The following TAS2R1 variants were observed in gnomAD, a reference collection of about 807,000 sequenced individuals.
TAS2R1 encodes the protein taste receptor type 2 member 1.
For synonymous variants in TAS2R1, 141 were observed against 134.2 expected, an observed-to-expected ratio of 1.05 and a Z score of -0.35; for missense variants, 370 against 353.4, an observed-to-expected ratio of 1.05 and a Z score of -0.38.
the TAS2R1 span, among the ~76,000 whole-genome samples, chr5:9,815,393 A>G: frequency 6.6e-6 from 1 of 152,206 alleles, no homozygotes; most frequent in Non-Finnish European, 1.5e-5. Flanking sequence ...TTAATGCACA[A>G]ACAAGTCAAT....
intron 1 of TAS2R1, among the ~76,000 whole-genome samples, chr5:9,682,307 T>C (rs1399482099): frequency 6.6e-6 from 1 of 152,224 alleles, no homozygotes; most frequent in African/African-American, 2.4e-5. Flanking sequence ...AAGCAGCTTT[T>C]TAATACTTTG....
chr5:9,831,707 G>A, the TAS2R1 span, among the ~76,000 whole-genome samples: 28 of 151,412 alleles, frequency 1.8e-4, no homozygotes, highest in Non-Finnish European at 4.0e-4. Flanking sequence ...TTCATCAAGG[G>A]GTTACTGTAA....
the TAS2R1 span, among the ~76,000 whole-genome samples, chr5:9,859,603 T>C: frequency 6.6e-6 from 1 of 152,244 alleles, no homozygotes; most frequent in African/African-American, 2.4e-5. Context: ...GCCATTATTC[T>C]AGTTTCAAAC....
At chr5:9,802,661 C>T in the TAS2R1 span, among the ~76,000 whole-genome samples, 8 of 152,002 alleles carry the variant, frequency 5.3e-5, no homozygotes, top group African/African-American at 7.2e-5. Context: ...CCAGCAATTT[C>T]GGAGGCCAAG....
chr5:9,751,014 C>A, the TAS2R1 span, among the ~76,000 whole-genome samples: 1 of 151,590 alleles, frequency 6.6e-6, no homozygotes, highest in Non-Finnish European at 1.5e-5. Context: ...TAGCTACTGG[C>A]CAGCCCAGAA....
chr5:9,784,049 G>A, the TAS2R1 span, among the ~76,000 whole-genome samples: 1 of 152,170 alleles, frequency 6.6e-6, no homozygotes, highest in African/African-American at 2.4e-5. Flanking sequence ...ACTACCTAGG[G>A]CATCAGGATG....
Position 9,673,808 on chromosome 5 carries a change from G to A in TAS2R1, c.-241-14227C>T, listed in dbSNP as rs569605819. ...CGAAATTCTTCTTGCTGTCCCTTGT[G>A]GCACTTCTCCATACCCTGTCTAATG... On this transcript the variant is annotated intron_variant, in intron 1 of 2. Transcript: ENST00000506620. 2.0e-5 allele frequency among the ~76,000 whole-genome samples: 3 copies of A among 152,202 alleles called. No individual in the cohort carries two copies. In the Middle Eastern group the frequency reaches 0.01, roughly 518 times the overall value.
At chr5:9,666,344 G>C (rs1314520902) in intron 1 of TAS2R1, among the ~76,000 whole-genome samples, 1 of 152,170 alleles carries the variant, frequency 6.6e-6, no homozygotes, top group African/African-American at 2.4e-5. Flanking sequence ...TCTGATGTGT[G>C]ATAGGGAGGG....
chr5:9,663,008 CTT>C (rs1169165077), intron 1 of TAS2R1, among the ~76,000 whole-genome samples: 2 of 152,138 alleles, frequency 1.3e-5, no homozygotes, highest in East Asian at 3.9e-4. Flanking sequence ...CTCAAATGGT[CTT>C]TTTCTCCTTC....
the TAS2R1 span, among the ~76,000 whole-genome samples, chr5:9,830,260 C>A: frequency 6.6e-6 from 1 of 151,808 alleles, no homozygotes; most frequent in African/African-American, 2.4e-5. Context: ...AGATGATAGA[C>A]ATAGATAGTT....
the TAS2R1 span, among the ~76,000 whole-genome samples, chr5:9,839,719 A>C: frequency 6.6e-6 from 1 of 152,166 alleles, no homozygotes; most frequent in Non-Finnish European, 1.5e-5. Flanking sequence ...ACAGACGGGT[A>C]GTTTTTGCAT....
chr5:9,808,628 A>G, the TAS2R1 span, among the ~76,000 whole-genome samples: 2 of 152,224 alleles, frequency 1.3e-5, no homozygotes, highest in Admixed American at 6.5e-5. Context: ...AAATGGGATT[A>G]GCAAAAACTT....
the TAS2R1 span, among the ~76,000 whole-genome samples, chr5:9,880,349 C>G: frequency 6.6e-6 from 1 of 152,094 alleles, no homozygotes; most frequent in Non-Finnish European, 1.5e-5. Context: ...TATGGTACAT[C>G]AGAAGGAGAA....
At chr5:9,830,441 GATAGATGACAGACACAAAA>G in the TAS2R1 span, among the ~76,000 whole-genome samples, 7 of 152,172 alleles carry the variant, frequency 4.6e-5, no homozygotes, top group Admixed American at 2.0e-4. Flanking sequence ...ACAGATAGAT[GATAGATGACAGACACAAAA>G]ATAGATGACA....
At chr5:9,708,824 A>T (rs1741675355) in intron 1 of TAS2R1, among the ~76,000 whole-genome samples, 1 of 152,158 alleles carries the variant, frequency 6.6e-6, no homozygotes, top group African/African-American at 2.4e-5. Context: ...AAAAAGTTCT[A>T]GGGTTGATTG....
chr5:9,672,577 A>G (rs1052417164), intron 1 of TAS2R1, among the ~76,000 whole-genome samples: 1 of 152,200 alleles, frequency 6.6e-6, no homozygotes, highest in Non-Finnish European at 1.5e-5. Flanking sequence ...CAATACCACA[A>G]TGAGATACTG....
chr5:9,712,091 T>A (rs1734693905), intron 1 of TAS2R1: 1 of 152,014 alleles, frequency 6.6e-6, no homozygotes, highest in Non-Finnish European at 1.5e-5. Context: ...CTTTCTTTGT[T>A]AGAGAATATT....
the TAS2R1 span, among the ~76,000 whole-genome samples, chr5:9,807,371 AT>A: frequency 2.6e-5 from 4 of 152,164 alleles, no homozygotes; most frequent in Non-Finnish European, 2.9e-5. Context: ...AAGTATATCT[AT>A]TATTTGATCC....
chr5:9,718,229 A>G, the TAS2R1 span, among the ~76,000 whole-genome samples: 2 of 151,526 alleles, frequency 1.3e-5, no homozygotes, highest in Non-Finnish European at 2.9e-5. Context: ...TTGGCCTCCC[A>G]AAGTGTTGGG....
Sources: gnomAD v4.1 joint callset for allele counts (sites outside exome capture counted in the v4.1 genomes callset) on GRCh38, gnomAD v4.1.1 for gene constraint, MANE v1.5 for transcripts, NCBI Gene and HGNC (gene_info 2026-07-23, HGNC 2026-07-21) for gene names.